PARVB: variants seen among roughly 807,000 people sequenced by gnomAD.
PARVB encodes parvin beta.
Under a neutral mutation model 47.0 loss-of-function variants are expected in PARVB, and 46 were observed. The ratio of observed to expected loss-of-function variants is 0.98; its 90% CI spans 0.77 to 1.25. The LOEUF (loss-of-function observed/expected upper bound fraction) is 1.25. Among genes scored for constraint, PARVB ranks in the 50% most tolerant of loss-of-function variants. The pLI, the probability that PARVB is intolerant of heterozygous loss-of-function variation, is 0.00. For synonymous variants in PARVB, 196 were observed against 196.3 expected, an observed-to-expected ratio of 1.00 and a Z score of 0.01; for missense variants, 473 against 471.6, an observed-to-expected ratio of 1.00 and a Z score of -0.03.
chr22:43,999,378 A>C (rs2050387676), exon 1 of PARVB: 1 of 1,611,270 alleles, frequency 6.2e-7, no homozygotes, highest in Non-Finnish European at 8.5e-7. Context: ...AGAGGAGAGA[A>C]AAGGGGATTC....
chr22:44,075,110 G>A (rs985575783), intron 1 of PARVB, among the ~76,000 whole-genome samples: 1 of 152,172 alleles, frequency 6.6e-6, no homozygotes, highest in African/African-American at 2.4e-5. Context: ...TGGGGGTGGA[G>A]GAATCGTCCC....
intron 9 of PARVB, chr22:44,149,113 A>G (rs1465454500): frequency 6.6e-6 from 1 of 152,146 alleles, no homozygotes; most frequent in African/African-American, 2.4e-5. Flanking sequence ...CCATCTGTCA[A>G]GTGGGGACAG....
chr22:44,162,699 T>C (rs2054078955), intron 11 of PARVB: 1 of 152,282 alleles, frequency 6.6e-6, no homozygotes, highest in African/African-American at 2.4e-5. Flanking sequence ...TTGTTTGATG[T>C]CCCCTCCTCC....
chr22:44,114,834 G>A (rs2052828376), intron 3 of PARVB: 1 of 135,408 alleles, frequency 7.4e-6, no homozygotes, highest in Non-Finnish European at 1.5e-5. Flanking sequence ...ACTAACTAAG[G>A]CCCTGTACCA....
chr22:44,073,354 C>T (rs1380254263), intron 1 of PARVB, among the ~76,000 whole-genome samples: 2 of 152,070 alleles, frequency 1.3e-5, no homozygotes, highest in South Asian at 2.1e-4. Flanking sequence ...TTTAGCTGGG[C>T]GTGGCGGTGC....
intron 1 of PARVB, among the ~76,000 whole-genome samples, chr22:44,072,887 C>G (rs752532646): frequency 4.1e-4 from 63 of 152,154 alleles, no homozygotes; most frequent in Non-Finnish European, 7.9e-4. Flanking sequence ...TTTCTTCACC[C>G]TGCAGGGCAA....
chr22:44,030,460 G>A (rs1253213054), intron 1 of PARVB, among the ~76,000 whole-genome samples: 4 of 152,334 alleles, frequency 2.6e-5, no homozygotes, highest in Non-Finnish European at 4.4e-5. Context: ...AGCCCTGGTC[G>A]GGGGCTGGAG....
Position 44,017,849 on chromosome 22 carries a change from G to A in PARVB, c.211+18176G>A, listed in dbSNP as rs1032424201. ...CTCCTGGTTAGAGGCTCTTCACTGG[G>A]GGTCCGTGGGGTGCCAAGGGCAGTA... On this transcript the variant is annotated intron_variant, in intron 2 of 13. Transcript: ENST00000406477. Among the ~76,000 whole-genome samples, 5 of 152,250 alleles carry A rather than the reference G, an allele frequency of 3.3e-5. No individual in the cohort carries two copies. In the East Asian group the frequency reaches 9.6e-4, roughly 29 times the overall value.
rs111439057 is a variant in PARVB, at chr22:44,008,269, G to A, written c.211+8596G>A. The stretch of plus-strand genomic sequence containing the variant: ...TGGGATTACAGGCGCGCATCACCAC[G>A]CCCAACTGATTTTTGTATTTTAGTA... On this transcript the variant is annotated intron_variant, in intron 2 of 13. Transcript: ENST00000406477. Among the ~76,000 whole-genome samples, 77 of 152,062 alleles carry A rather than the reference G, an allele frequency of 5.1e-4. 1 individual carries two copies. The highest frequency in any genetic ancestry group is 1.8e-3 in the African/African-American group (76 of 41,492).
intron 10 of PARVB, among the ~76,000 whole-genome samples, chr22:44,154,225 C>T (rs1026139100): frequency 6.6e-6 from 1 of 152,154 alleles, no homozygotes; most frequent in Non-Finnish European, 1.5e-5. Context: ...CCCGATTAAT[C>T]GTACTATATA....
At chr22:44,003,329 G>A (rs571561899) in intron 2 of PARVB, among the ~76,000 whole-genome samples, 6 of 152,236 alleles carry the variant, frequency 3.9e-5, no homozygotes, top group South Asian at 2.1e-4. Flanking sequence ...AATACTGAGC[G>A]GGCAGAGCTA....
At chr22:44,128,971 G>C (rs576486171) in intron 4 of PARVB, among the ~76,000 whole-genome samples, 1 of 152,268 alleles carries the variant, frequency 6.6e-6, no homozygotes, top group African/African-American at 2.4e-5. Flanking sequence ...CCAGCTACTC[G>C]GGAGGCTGAG....
intron 1 of PARVB, among the ~76,000 whole-genome samples, chr22:44,079,876 C>T (rs567625246): frequency 1.9e-4 from 29 of 152,108 alleles, no homozygotes; most frequent in African/African-American, 6.3e-4. Context: ...TGAAGTGAGC[C>T]GAGATTGTGC....
At chr22:44,021,207 C>T (rs958814144), upstream of PARVB, among the ~76,000 whole-genome samples, 5 of 152,222 alleles carry the variant, frequency 3.3e-5, no homozygotes, top group Non-Finnish European at 7.3e-5. Flanking sequence ...TGAAGCCCCG[C>T]AAGGCCTGTC....
chr22:44,161,132 C>T (rs933706472), intron 11 of PARVB, among the ~76,000 whole-genome samples: 11 of 151,808 alleles, frequency 7.2e-5, no homozygotes, highest in Admixed American at 2.0e-4. Context: ...TGTGTGTGCA[C>T]GTGTGCATGT....
At position 44,068,508 on chromosome 22, in the gene PARVB, GC is replaced by G; in HGVS notation, c.113-25418del. On this transcript the variant is annotated intron_variant, in intron 1 of 12. Coordinates refer to ENST00000338758, the MANE Select transcript of PARVB (RefSeq NM_013327.5). The surrounding 1 kb of genome is among the most constrained non-coding windows in gnomAD (Gnocchi z 4.1). Reference sequence around the variant, plus strand: ...TGAGTGCTCCCGAGAGCAGCCTGCCGCCTCCGTGTCGGGGCAGCCTCAGCTT... The same window carrying G: ...TGAGTGCTCCCGAGAGCAGCCTGCCGCTCCGTGTCGGGGCAGCCTCAGCTT... 6.6e-6 allele frequency among the ~76,000 whole-genome samples: 1 copy of G among 152,178 alleles called. No individual in the cohort carries two copies. The highest frequency in any genetic ancestry group is 1.5e-5 in the Non-Finnish European group (1 of 68,028).
chr22:44,005,879 G>A (rs775383050), intron 2 of PARVB, among the ~76,000 whole-genome samples: 10 of 152,216 alleles, frequency 6.6e-5, no homozygotes, highest in Non-Finnish European at 1.3e-4. Flanking sequence ...TTTGAGGAGT[G>A]TACTTCTGTT....
intron 1 of PARVB, among the ~76,000 whole-genome samples, chr22:44,071,336 C>T (rs1485525660): frequency 6.6e-6 from 1 of 152,174 alleles, no homozygotes; most frequent in African/African-American, 2.4e-5. Context: ...AGGTGTCCTG[C>T]TCATATATCC....
Position 44,093,223 on chromosome 22 carries a change from G to T in PARVB, c.113-705G>T, listed in dbSNP as rs143929443. Among the ~76,000 whole-genome samples, 8 of 152,346 alleles carry T rather than the reference G, an allele frequency of 5.3e-5. 1 individual carries two copies. In the South Asian group the frequency reaches 8.3e-4, roughly 16 times the overall value. ...CCTGGTGGATGTGGCTGAAAGGCCT[G>T]CAGGGTCTCACTGGTGCAGGGAGAT... is the stretch of plus-strand genomic sequence containing the variant. On this transcript the variant is annotated intron_variant, in intron 1 of 12. Coordinates refer to ENST00000338758, the MANE Select transcript of PARVB (RefSeq NM_013327.5).
Sources: allele counts gnomAD v4.1 joint callset (sites outside exome capture counted in the v4.1 genomes callset), GRCh38; gene constraint gnomAD v4.1.1; non-coding constraint Gnocchi (gnomAD v3.1); transcripts MANE v1.5; gene names NCBI Gene and HGNC (gene_info 2026-07-23, HGNC 2026-07-21).